ASB13: variants seen among roughly 807,000 people sequenced by gnomAD.
ASB13 encodes the protein ankyrin repeat and SOCS box containing 13.
A neutral mutation model predicts 28.8 loss-of-function variants in ASB13; 33 were observed. That is an observed-to-expected ratio of 1.15 (90% CI 0.87 to 1.53). The LOEUF is 1.53. ASB13 is among the 40% of genes most tolerant of loss of function. ASB13 has a pLI of 0.00. For missense variants in ASB13, 414 were observed against 390.1 expected (o/e 1.06, Z -0.52); for synonymous variants, 182 against 172.9 (o/e 1.05, Z -0.41).
chr10:5,653,174 G>T, intron 1 of ASB13, 124 bp from the exon 2 acceptor site: 1 of 1,056,218 alleles, frequency 9.5e-7, no homozygotes, highest in Non-Finnish European at 1.3e-6. Flanking sequence ...AATTGTCCCA[G>T]CACTTCTACA....
Position 5,644,383 on chromosome 10 carries a change from C to T in ASB13, c.518-2422G>A, listed in dbSNP as rs1834851590. ...TGATGGCACACATCTGTGGTCCCAC[C>T]TACTCTGGAGGCTGAGGTAGGAGGA... is the stretch of plus-strand genomic sequence containing the variant. On this transcript the variant is annotated intron_variant, in intron 4 of 5. Coordinates refer to ENST00000357700, the MANE Select transcript of ASB13 (RefSeq NM_024701.4). The surrounding 1 kb of genome is among the most constrained non-coding windows in gnomAD (Gnocchi z 5.1). Among the ~76,000 whole-genome samples, 1 of 152,150 alleles carries T rather than the reference C, an allele frequency of 6.6e-6. No individual in the cohort carries two copies. The highest frequency in any genetic ancestry group is 1.5e-5 in the Non-Finnish European group (1 of 68,034).
intron 4 of ASB13, among the ~76,000 whole-genome samples, chr10:5,643,970 G>A (rs1157434858): frequency 6.6e-6 from 1 of 152,256 alleles, no homozygotes; most frequent in African/African-American, 2.4e-5. Flanking sequence ...GGCTCTTGCA[G>A]GGAGGCAGCC....
Position 5,664,880 on chromosome 10 carries a change from G to C in ASB13, c.43+1629C>G, listed in dbSNP as rs1439797113. Reference sequence around the variant, plus strand: ...ATTTTTATTTATTTATTTTGAGACAGAGTTTTGCTCTTGTCACCCAGGCTG... The same window carrying C: ...ATTTTTATTTATTTATTTTGAGACACAGTTTTGCTCTTGTCACCCAGGCTG... On this transcript the variant is annotated intron_variant, in intron 1 of 5. Coordinates refer to ENST00000357700, the MANE Select transcript of ASB13 (RefSeq NM_024701.4). The surrounding 1 kb of genome is among the most constrained non-coding windows in gnomAD (Gnocchi z 4.2). Among the ~76,000 whole-genome samples, 1 of 151,894 alleles carries C rather than the reference G, an allele frequency of 6.6e-6. No individual in the cohort carries two copies. Among genetic ancestry groups the C allele is most frequent in the Non-Finnish European group, 1.5e-5 (1 of 67,974 alleles).
At chr10:5,657,800 C>T (rs2131454881) in intron 1 of ASB13, among the ~76,000 whole-genome samples, 1 of 152,316 alleles carries the variant, frequency 6.6e-6, no homozygotes. Flanking sequence ...TGAAGGAAAT[C>T]CTGTCCCATG....
Position 5,642,478 on chromosome 10 carries a change from A to G in ASB13, c.518-517T>C, listed in dbSNP as rs1176371157. On this transcript the variant is annotated intron_variant, in intron 4 of 5. Coordinates refer to ENST00000357700, the MANE Select transcript of ASB13 (RefSeq NM_024701.4). The surrounding 1 kb of genome is among the most constrained non-coding windows in gnomAD (Gnocchi z 4.1). ...AAGGAAAACAGATAACGTACCCAAA[A>G]CAGTAGGCAATTCAGAGAAGAGAGT... 5 of 1,198,400 alleles carry G rather than the reference A, an allele frequency of 4.2e-6. No individual in the cohort carries two copies. The highest frequency in any genetic ancestry group is 8.2e-5 in the Admixed American group (2 of 24,256). The allele number at this position is 1,198,400 out of a possible 1,614,324, so 74.2% of individuals were successfully genotyped here. A position where few individuals can be genotyped will look rare whatever the true frequency, so the allele number is the denominator to read the frequency against.
rs901393733 is a variant in ASB13, at chr10:5,640,574, C to A, written c.*129G>T. On this transcript the variant is annotated 3_prime_UTR_variant, in exon 6 of 6. Transcript: ENST00000357700. ...CAGGAGAGAAGCCTAAACAGGATCG[C>A]AGGAAGGGACTCGAAGGAGCGTTGT... 4.1e-6 allele frequency: 5 copies of A among 1,217,700 alleles called. No homozygotes were observed. The highest frequency in any genetic ancestry group is 5.8e-6 in the Non-Finnish European group (5 of 862,626). 75.4% of individuals were successfully genotyped at this position (1,217,700 alleles called of 1,614,324 possible).
Position 5,642,328 on chromosome 10 carries a change from C to G in ASB13, c.518-367G>C. 1 of 357,624 alleles carries G rather than the reference C, an allele frequency of 2.8e-6. No homozygotes were observed. Among genetic ancestry groups the G allele is most frequent in the Non-Finnish European group, 4.6e-6 (1 of 218,380 alleles). The allele number at this position is 357,624 out of a possible 1,614,324, so 22.2% of individuals were successfully genotyped here. On this transcript the variant is annotated intron_variant, in intron 4 of 5. Coordinates refer to ENST00000357700, the MANE Select transcript of ASB13 (RefSeq NM_024701.4). This position sits in a 1 kb window ranked among gnomAD's most constrained non-coding sequence, Gnocchi z 4.1. ...AGCTCAAACCAGAGCCACTCAAGCA[C>G]TCCCGCCTGGCCTCCAGCACAGACA...
In ASB13 at chr10:5,652,968, G is replaced by A. The variant is rs879877788; in HGVS notation, c.126C>T (p.Gly42=). 3.1e-5 allele frequency: 49 copies of A among 1,564,580 alleles called. No homozygotes were observed. The highest frequency in any genetic ancestry group is 3.9e-5 in the Non-Finnish European group (45 of 1,154,368). Reference sequence around the variant, plus strand: ...CCACGGTGACCTGGTTCACGCAGGCGCCGCTCTCGATCAGCTGTTGCAGCT... The same window carrying A: ...CCACGGTGACCTGGTTCACGCAGGCACCGCTCTCGATCAGCTGTTGCAGCT... ...SLQLQQLIES[G]ACVNQVTVDS... Residue 42 remains glycine (G), a synonymous_variant, in exon 2 of 6, where the codon GGC becomes GGT. Coordinates refer to ENST00000357700, the MANE Select transcript of ASB13 (RefSeq NM_024701.4). The surrounding 1 kb of genome is among the most constrained non-coding windows in gnomAD (Gnocchi z 5.0).
rs754407925 is a variant in ASB13 at position 5,651,213 on chromosome 10, C to T, written c.382G>A (p.Gly128Arg). The T allele has an allele frequency of 2.7e-5, 43 of 1,601,084 alleles. No homozygotes were observed. The highest frequency in any genetic ancestry group is 3.5e-5 in the Non-Finnish European group (41 of 1,173,908). The change falls in exon 3 of 6, where the codon GGG (glycine) becomes AGG (arginine). Residue 128 changes from glycine to arginine, a missense_variant and splice_region_variant. Physicochemically the swap from Gly to Arg is moderately radical, Grantham distance 125. Transcript: ENST00000357700. This position sits in a 1 kb window ranked among gnomAD's most constrained non-coding sequence, Gnocchi z 5.1. ...ASPLHEACMSGSSECVRLLID... is the reference protein window; with the variant it reads ...ASPLHEACMSRSSECVRLLID... Reference sequence around the variant, plus strand: ...CCAGCCCAGCCGTCTGCCAACTCACCGCTCATGCAGGCCTCGTGCAGGGGG... The same window carrying T: ...CCAGCCCAGCCGTCTGCCAACTCACTGCTCATGCAGGCCTCGTGCAGGGGG...
Position 5,648,968 on chromosome 10 carries a change from A to C in ASB13, c.517+2T>G, listed in dbSNP as rs1318270059. 3 of 1,613,980 alleles carry C rather than the reference A, an allele frequency of 1.9e-6. No homozygotes were observed. Among genetic ancestry groups the C allele is most frequent in the Non-Finnish European group, 2.5e-6 (3 of 1,179,886 alleles). On this transcript the variant is annotated splice_donor_variant, in intron 4 of 5. Transcript: ENST00000357700. LOFTEE classifies it high-confidence loss of function. The stretch of plus-strand genomic sequence containing the variant: ...CACCCGCTCGGGCAAACACCCACTC[A>C]CCTGCATTGAGCAGCACTTTGACAC...
Position 5,662,896 on chromosome 10 carries a change from G to A in ASB13, c.43+3613C>T, listed in dbSNP as rs905040548. Among the ~76,000 whole-genome samples, 4 of 152,066 alleles carry A rather than the reference G, an allele frequency of 2.6e-5. No homozygotes were observed. In the East Asian group the frequency reaches 5.8e-4, roughly 22 times the overall value. The stretch of plus-strand genomic sequence containing the variant: ...ACCACTATCACCAAATTTTAATAGC[G>A]CAGCTCAAATTTCAGTTTTAGTGTC... On this transcript the variant is annotated intron_variant, in intron 1 of 5. Transcript: ENST00000357700.
chr10:5,648,324 C>T (rs556988635), intron 4 of ASB13, among the ~76,000 whole-genome samples: 1 of 145,892 alleles, frequency 6.9e-6, no homozygotes, highest in South Asian at 2.3e-4. Flanking sequence ...GGCAAACACC[C>T]CCTCGGGTAA....
In ASB13 at chr10:5,651,049, T is replaced by C. The variant is rs1487154951; in HGVS notation, c.382+164A>G. On this transcript the variant is annotated intron_variant, in intron 3 of 5. Transcript: ENST00000357700. The surrounding 1 kb of genome is among the most constrained non-coding windows in gnomAD (Gnocchi z 5.1). Reference sequence around the variant, plus strand: ...TCAAGAAGGGAAAGCTTAGAATCTCTGCAGCTGAGCCACCAGGAGCCAGAA... The same window carrying C: ...TCAAGAAGGGAAAGCTTAGAATCTCCGCAGCTGAGCCACCAGGAGCCAGAA... Among the ~76,000 whole-genome samples the C allele has an allele frequency of 6.6e-6, 1 of 152,154 alleles. No individual in the cohort carries two copies. Among genetic ancestry groups the C allele is most frequent in the East Asian group, 1.9e-4 (1 of 5,184 alleles).
In ASB13 at chr10:5,639,939, C is replaced by T. The variant is rs972897389; in HGVS notation, c.*764G>A. 1 of 152,608 alleles carries T rather than the reference C, an allele frequency of 6.6e-6. No homozygotes were observed. The highest frequency in any genetic ancestry group is 1.5e-5 in the Non-Finnish European group (1 of 68,036). The allele number at this position is 152,608 out of a possible 1,614,324, so 9.5% of individuals were successfully genotyped here. A position where few individuals can be genotyped will look rare whatever the true frequency, so the allele number is the denominator to read the frequency against. ...ATTACCAAAACCTTAGTGGTACCGC[C>T]TACGTGTCCTCTAAAAGGTTTTTAT... is the stretch of plus-strand genomic sequence containing the variant. On this transcript the variant is annotated 3_prime_UTR_variant, in exon 6 of 6. Coordinates refer to ENST00000357700, the MANE Select transcript of ASB13 (RefSeq NM_024701.4).
In ASB13 at chr10:5,649,145, G is replaced by A. The variant is rs200734249; in HGVS notation, c.383-41C>T. 7.3e-4 allele frequency: 1,184 copies of A among 1,611,532 alleles called. No individual in the cohort carries two copies. The highest frequency in any genetic ancestry group is 9.5e-4 in the Admixed American group (57 of 60,000). ...AAAGGGGGGGAATGTCCTTGAATAC[G>A]GACACTGGAGACAACAAGCACACAG... is the stretch of plus-strand genomic sequence containing the variant. On this transcript the variant is annotated intron_variant, in intron 3 of 5. Transcript: ENST00000357700. The surrounding 1 kb of genome is among the most constrained non-coding windows in gnomAD (Gnocchi z 6.4).
intron 4 of ASB13, among the ~76,000 whole-genome samples, chr10:5,643,246 G>A (rs1002936): frequency 0.22 from 33,082 of 152,122 alleles, 3,699 homozygotes; most frequent in Non-Finnish European, 0.25. Flanking sequence ...ATCACTTCCC[G>A]ACAGTCTCAG....
Position 5,656,472 on chromosome 10 carries a change from G to T in ASB13, c.44-3422C>A, listed in dbSNP as rs1407920182. ...CAGAATCGCTTGAACCCAGGAGGCG[G>T]AGATTGCAGTGAGCTGAGATCGCAC... On this transcript the variant is annotated intron_variant, in intron 1 of 5. Transcript: ENST00000357700. This position sits in a 1 kb window ranked among gnomAD's most constrained non-coding sequence, Gnocchi z 4.3. Among the ~76,000 whole-genome samples, 1 of 151,872 alleles carries T rather than the reference G, an allele frequency of 6.6e-6. No individual in the cohort carries two copies. The highest frequency in any genetic ancestry group is 1.5e-5 in the Non-Finnish European group (1 of 68,010).
rs550632603 is a variant in ASB13, at chr10:5,658,373, G to A, written c.44-5323C>T. On this transcript the variant is annotated intron_variant, in intron 1 of 5. Coordinates refer to ENST00000357700, the MANE Select transcript of ASB13 (RefSeq NM_024701.4). The surrounding 1 kb of genome is among the most constrained non-coding windows in gnomAD (Gnocchi z 4.2). Reference sequence around the variant, plus strand: ...TTGAACCCAGGAGGTGGAGGTTGCAGTGAGCCAAAATCGTGCCATTGCACT... The same window carrying A: ...TTGAACCCAGGAGGTGGAGGTTGCAATGAGCCAAAATCGTGCCATTGCACT... Among the ~76,000 whole-genome samples the A allele has an allele frequency of 6.6e-6, 1 of 151,762 alleles. No homozygotes were observed. The highest frequency in any genetic ancestry group is 2.1e-4 in the South Asian group (1 of 4,820).
In ASB13 at chr10:5,652,057, CA is replaced by C. The variant is rs1834997511; in HGVS notation, c.232-695del. On this transcript the variant is annotated intron_variant, in intron 2 of 5. Transcript: ENST00000357700. This position sits in a 1 kb window ranked among gnomAD's most constrained non-coding sequence, Gnocchi z 5.0. ...ACACACACACACACACACACACACA[CA>C]CACAAAACTCTAACCTCAATGGAAG... is the stretch of plus-strand genomic sequence containing the variant. Among the ~76,000 whole-genome samples the C allele has an allele frequency of 7.0e-6, 1 of 142,930 alleles. No individual in the cohort carries two copies. Among genetic ancestry groups the C allele is most frequent in the Non-Finnish European group, 1.5e-5 (1 of 65,196 alleles). The allele number at this position is 142,930 out of a possible 152,430, so 93.8% of individuals were successfully genotyped here. A position where few individuals can be genotyped will look rare whatever the true frequency, so the allele number is the denominator to read the frequency against.
Sources: gnomAD v4.1 joint callset for allele counts (sites outside exome capture counted in the v4.1 genomes callset) on GRCh38, gnomAD v4.1.1 for gene constraint, Gnocchi (gnomAD v3.1) non-coding constraint, MANE v1.5 for transcripts, NCBI Gene and HGNC (gene_info 2026-07-23, HGNC 2026-07-21) for gene names.